The following DCUN1D4 variants were observed in gnomAD, a reference collection of about 807,000 sequenced individuals.
The protein encoded by DCUN1D4 is defective in cullin neddylation 1 domain containing 4, also known as DCN1-like protein 4.
DCUN1D4 carries 22 observed loss-of-function variants against 47.9 expected under a neutral mutation model. The observed-to-expected ratio is 0.46, with a 90% confidence interval of 0.33 to 0.66. The LOEUF is 0.66. DCUN1D4 is among the 30% of genes least tolerant of loss of function. The probability of loss-of-function intolerance (pLI) is 0.02; values close to 1 mark genes in which losing one functional copy is unlikely to be tolerated. For synonymous variants in DCUN1D4, 121 were observed against 112.2 expected (o/e 1.08, Z -0.50); for missense variants, 301 against 340.8 (o/e 0.88, Z 0.92).
intron 1 of DCUN1D4, among the ~76,000 whole-genome samples, chr4:51,855,450 T>C (rs549736653): frequency 1.3e-5 from 2 of 152,254 alleles, no homozygotes; most frequent in South Asian, 4.1e-4. Context: ...CACTGGGAGA[T>C]GGAGGTACTG....
At chr4:51,888,913 C>A (rs1729982899) in intron 6 of DCUN1D4, among the ~76,000 whole-genome samples, 1 of 152,010 alleles carries the variant, frequency 6.6e-6, no homozygotes, top group South Asian at 2.1e-4. Flanking sequence ...GAGTTCAGAC[C>A]AGCCTGGAAA....
chr4:51,854,281 C>T (rs1723799542), intron 1 of DCUN1D4, among the ~76,000 whole-genome samples: 1 of 152,142 alleles, frequency 6.6e-6, no homozygotes, highest in African/African-American at 2.4e-5. Flanking sequence ...ATGGTTTTGA[C>T]ATAGATTTTA....
chr4:51,838,277 C>T (rs928245018), upstream of DCUN1D4, among the ~76,000 whole-genome samples: 1 of 152,148 alleles, frequency 6.6e-6, no homozygotes, highest in Non-Finnish European at 1.5e-5. Flanking sequence ...AATTTAGTAA[C>T]CTGGATGTAA....
chr4:51,892,876 C>T (rs1159935275), intron 7 of DCUN1D4, among the ~76,000 whole-genome samples: 1 of 152,090 alleles, frequency 6.6e-6, no homozygotes, highest in Non-Finnish European at 1.5e-5. Flanking sequence ...AATAATAGAT[C>T]TTGATTTTTA....
chr4:51,911,184 T>G lies in DCUN1D4; in HGVS notation c.720+10T>G. On this transcript the variant is annotated intron_variant, in intron 9 of 10. Transcript: ENST00000334635. Reference sequence around the variant, plus strand: ...TCACCAATTCTTAGAGGTACCAAATTGTTGTTTTATGAAATGTATGTTTGC... The same window carrying G: ...TCACCAATTCTTAGAGGTACCAAATGGTTGTTTTATGAAATGTATGTTTGC... 1 of 1,601,016 alleles carries G rather than the reference T, an allele frequency of 6.2e-7. No homozygotes were observed. Among genetic ancestry groups the G allele is most frequent in the South Asian group, 1.1e-5 (1 of 89,214 alleles).
chr4:51,845,154 C>CTTT, intron 1 of DCUN1D4: 1 of 985,476 alleles, frequency 1.0e-6, no homozygotes, highest in Non-Finnish European at 1.2e-6. Flanking sequence ...GTAAAGCAGC[C>CTTT]TTTAGAATGG....
At chr4:51,867,945 T>A (rs775576084) in intron 3 of DCUN1D4, among the ~76,000 whole-genome samples, 42 of 152,344 alleles carry the variant, frequency 2.8e-4, no homozygotes, top group Non-Finnish European at 5.1e-4. Context: ...GCCAAGCTGC[T>A]CTCAGCCCCC....
intron 1 of DCUN1D4, among the ~76,000 whole-genome samples, chr4:51,847,290 C>T (rs914746876): frequency 2.0e-5 from 3 of 152,106 alleles, no homozygotes; most frequent in Non-Finnish European, 4.4e-5. Context: ...AAAACCCTGT[C>T]AAGAGAAGAA....
rs1365919439 is a variant in DCUN1D4, at chr4:51,886,655, G to A, written c.414+17G>A. On this transcript the variant is annotated intron_variant, in intron 6 of 10. Transcript: ENST00000334635. Reference sequence around the variant, plus strand: ...CCAGAAAACGTGAGTCAAACTTACTGAGTTGGGTGAATCAGTTGGTTGTTT... The same window carrying A: ...CCAGAAAACGTGAGTCAAACTTACTAAGTTGGGTGAATCAGTTGGTTGTTT... 6.2e-7 allele frequency: 1 copy of A among 1,605,216 alleles called. No homozygotes were observed. Among genetic ancestry groups the A allele is most frequent in the Non-Finnish European group, 8.5e-7 (1 of 1,173,094 alleles).
intron 5 of DCUN1D4, among the ~76,000 whole-genome samples, chr4:51,878,327 G>C (rs943236439): frequency 1.3e-5 from 2 of 152,076 alleles, no homozygotes; most frequent in African/African-American, 4.8e-5. Context: ...ACTATAATTG[G>C]TTGGGTAATA....
chr4:51,852,018 C>CT (rs1024975438), intron 1 of DCUN1D4, among the ~76,000 whole-genome samples: 8 of 151,516 alleles, frequency 5.3e-5, no homozygotes, highest in Non-Finnish European at 5.9e-5. Flanking sequence ...TATTGGAATT[C>CT]TTTTTTTTTC....
At chr4:51,862,635 C>A (rs982977289) in intron 1 of DCUN1D4, among the ~76,000 whole-genome samples, 3 of 152,084 alleles carry the variant, frequency 2.0e-5, no homozygotes, top group African/African-American at 7.2e-5. Context: ...GAAAATACTT[C>A]CAGTGGTACT....
intron 5 of DCUN1D4, among the ~76,000 whole-genome samples, chr4:51,880,669 T>G (rs1398914426): frequency 2.0e-5 from 3 of 152,176 alleles, no homozygotes; most frequent in African/African-American, 4.8e-5. Flanking sequence ...GAATAAACCC[T>G]TCTTCGCTGG....
At chr4:51,898,981 C>T (rs1253202349) in intron 7 of DCUN1D4, among the ~76,000 whole-genome samples, 1 of 152,092 alleles carries the variant, frequency 6.6e-6, no homozygotes, top group African/African-American at 2.4e-5. Flanking sequence ...ATTATGTTTG[C>T]AACTTTTAAA....
Position 51,865,017 on chromosome 4 carries a change from A to G in DCUN1D4, c.136+1308A>G, listed in dbSNP as rs538988339. Reference sequence around the variant, plus strand: ...AGCAAAAACTCTTTAAGAAAAAGGTATGATTTCTCATTTTCTATTCTTAGC... The same window carrying G: ...AGCAAAAACTCTTTAAGAAAAAGGTGTGATTTCTCATTTTCTATTCTTAGC... On this transcript the variant is annotated intron_variant, in intron 3 of 10. Transcript: ENST00000334635. The G allele has an allele frequency of 2.0e-5, 4 of 199,808 alleles. No homozygotes were observed. The South Asian group carries it at 4.5e-4, about 23-fold the overall frequency. 12.4% of individuals were successfully genotyped at this position (199,808 alleles called of 1,614,324 possible).
upstream of DCUN1D4, among the ~76,000 whole-genome samples, chr4:51,840,655 C>T (rs1721605642): frequency 6.6e-6 from 1 of 152,112 alleles, no homozygotes; most frequent in South Asian, 2.1e-4. Flanking sequence ...TTAACCAGTG[C>T]CTACCACAAT....
upstream of DCUN1D4, among the ~76,000 whole-genome samples, chr4:51,838,282 A>C (rs1385820009): frequency 1.3e-5 from 2 of 152,218 alleles, no homozygotes; most frequent in African/African-American, 4.8e-5. Context: ...AGTAACCTGG[A>C]TGTAATCCTT....
chr4:51,863,997 G>T (rs1055287015), intron 3 of DCUN1D4, among the ~76,000 whole-genome samples: 5 of 152,154 alleles, frequency 3.3e-5, no homozygotes, highest in Non-Finnish European at 5.9e-5. Flanking sequence ...TATTAAAAAG[G>T]TGCTACAGTA....
Position 51,877,783 on chromosome 4 carries a change from C to A in DCUN1D4, c.272C>A (p.Ser91Ter). 1.2e-6 allele frequency: 2 copies of A among 1,608,506 alleles called. No individual in the cohort carries two copies. Among genetic ancestry groups the A allele is most frequent in the South Asian group, 2.2e-5 (2 of 89,990 alleles). Residue 91 changes from serine (S) to a stop codon, truncating the protein, a stop_gained, in exon 5 of 11, where the codon TCG (serine) becomes TAG (stop). Transcript: ENST00000334635. LOFTEE classifies it high-confidence loss of function. The stretch of plus-strand genomic sequence containing the variant: ...TCCAGCATGTATAGAAAATATGATT[C>A]GACTAGAATAAAGACTGAAGAAGAA... ...RHDSMYRKYD[S>*]TRIKTEEEAF...
Sources: gnomAD v4.1 joint callset for allele counts (sites outside exome capture counted in the v4.1 genomes callset) on GRCh38, gnomAD v4.1.1 for gene constraint, MANE v1.5 for transcripts, NCBI Gene and HGNC (gene_info 2026-07-23, HGNC 2026-07-21) for gene names.